The following SNRK variants were observed in gnomAD, a reference collection of about 807,000 sequenced individuals.
The protein encoded by SNRK is SNF-related serine/threonine-protein kinase.
A neutral mutation model predicts 48.2 loss-of-function variants in SNRK; 3 were observed. The ratio of observed to expected loss-of-function variants is 0.06; its 90% CI spans 0.03 to 0.16. The LOEUF (loss-of-function observed/expected upper bound fraction) is 0.16, where lower values mean the gene tolerates loss of function less well. Among genes scored for constraint, SNRK ranks in the 10% least tolerant of loss-of-function variants. The pLI is 1.00. For synonymous variants in SNRK, 376 were observed against 366.1 expected, an observed-to-expected ratio of 1.03 and a Z score of -0.31; for missense variants, 627 against 976.0, an observed-to-expected ratio of 0.64 and a Z score of 4.76.
At chr3:43,316,659 ACT>A (rs1212183506) in intron 3 of SNRK, among the ~76,000 whole-genome samples, 4 of 149,398 alleles carry the variant, frequency 2.7e-5, no homozygotes, top group African/African-American at 9.9e-5. Flanking sequence ...ATTTTTAACC[ACT>A]CTCTGCTCAT....
chr3:43,310,510 G>C (rs1559462550), intron 3 of SNRK, among the ~76,000 whole-genome samples: 1 of 151,890 alleles, frequency 6.6e-6, no homozygotes. Context: ...TTAATTTTAT[G>C]AATTTCTTGG....
Position 43,347,818 on chromosome 3 carries a change from G to A in SNRK, c.1559G>A (p.Gly520Asp). 3 of 1,614,118 alleles carry A rather than the reference G, an allele frequency of 1.9e-6. No individual in the cohort carries two copies. Among genetic ancestry groups the A allele is most frequent in the Non-Finnish European group, 1.7e-6 (2 of 1,180,034 alleles). ...SRLKMNIASP[G>D]TVHKRYHRRK... ...TTAAAGATGAATATAGCTTCTCCAG[G>A]TACAGTTCACAAACGCTACCACCGG... The change falls in exon 7 of 7, where the codon GGT (glycine) becomes GAT (aspartate). Residue 520 changes from glycine to aspartate, a missense_variant. Gly to Asp is a moderately conservative substitution (Grantham distance 94). Coordinates refer to ENST00000296088, the MANE Select transcript of SNRK (RefSeq NM_017719.5). The surrounding 1 kb of genome is among the most constrained non-coding windows in gnomAD (Gnocchi z 5.4).
At chr3:43,317,252 AAGG>A (rs1422432260) in intron 3 of SNRK, among the ~76,000 whole-genome samples, 1 of 152,170 alleles carries the variant, frequency 6.6e-6, no homozygotes, top group Non-Finnish European at 1.5e-5. Flanking sequence ...CAACAAGAGA[AAGG>A]AGGGATTTTA....
intron 5 of SNRK, among the ~76,000 whole-genome samples, chr3:43,341,402 T>C (rs956973817): frequency 4.6e-4 from 70 of 152,256 alleles, no homozygotes; most frequent in Non-Finnish European, 6.8e-4. Flanking sequence ...CCGCCCGCCT[T>C]GGCCTCCCAA....
rs1430892079 is a variant in SNRK, at chr3:43,306,234, T to TA, written c.589+2450dup. On this transcript the variant is annotated intron_variant, in intron 3 of 6. Transcript: ENST00000296088. ...GAAATAAATATAGAATTGCTATTTTTAAAAAAAAGGACAGGTGTCTTTCTG... is the reference window on the plus strand; with the variant it reads ...GAAATAAATATAGAATTGCTATTTTTAAAAAAAAAGGACAGGTGTCTTTCTG... Among the ~76,000 whole-genome samples, 22 of 131,864 alleles carry TA rather than the reference T, an allele frequency of 1.7e-4. No homozygotes were observed. In the East Asian group the frequency reaches 3.9e-3, roughly 23 times the overall value. The allele number at this position is 131,864 out of a possible 152,430, so 86.5% of individuals were successfully genotyped here.
intron 3 of SNRK, among the ~76,000 whole-genome samples, chr3:43,324,978 C>A (rs2091083827): frequency 6.6e-6 from 1 of 152,158 alleles, no homozygotes. Flanking sequence ...ACATACCTTG[C>A]TTGATTTTTA....
intron 6 of SNRK, among the ~76,000 whole-genome samples, chr3:43,344,015 G>A (rs572164578): frequency 6.6e-6 from 1 of 152,060 alleles, no homozygotes; most frequent in Non-Finnish European, 1.5e-5. Context: ...TTAGCTACCC[G>A]ATCTGTAAAA....
At chr3:43,335,700 G>A (rs1490281841) in intron 4 of SNRK, among the ~76,000 whole-genome samples, 1 of 151,760 alleles carries the variant, frequency 6.6e-6, no homozygotes, top group Non-Finnish European at 1.5e-5. Context: ...TTTTTTTCTT[G>A]GAGCTCTGTC....
chr3:43,321,356 T>A (rs1481926936), intron 3 of SNRK, among the ~76,000 whole-genome samples: 2 of 152,176 alleles, frequency 1.3e-5, no homozygotes, highest in East Asian at 3.9e-4. Context: ...TCCTTAGCTA[T>A]CCATGAATCT....
chr3:43,308,840 A>G (rs1008982497), intron 3 of SNRK, among the ~76,000 whole-genome samples: 10 of 152,220 alleles, frequency 6.6e-5, no homozygotes, highest in African/African-American at 2.4e-4. Flanking sequence ...TATGGCTGCC[A>G]TTGGTAGTAA....
intron 3 of SNRK, among the ~76,000 whole-genome samples, chr3:43,305,461 C>T (rs1365708184): frequency 6.6e-6 from 1 of 150,572 alleles, no homozygotes; most frequent in Non-Finnish European, 1.5e-5. Flanking sequence ...ATGAAGAGTA[C>T]ATATAACATT....
At position 43,348,152 on chromosome 3, in the gene SNRK, C is replaced by T; in HGVS notation, c.1893C>T (p.Asn631=). The change falls in exon 7 of 7, where the codon AAC becomes AAT. Residue 631 remains asparagine, a synonymous_variant. Coordinates refer to ENST00000296088, the MANE Select transcript of SNRK (RefSeq NM_017719.5). The part of the protein sequence containing the change: ...GTTRRCAGPS[N]SMQLASRSAG... ...CACGCCGCTGTGCCGGCCCCAGCAA[C>T]TCCATGCAGCTGGCCTCTCGCAGTG... The T allele has an allele frequency of 6.3e-7, 1 of 1,581,562 alleles. No individual in the cohort carries two copies.
chr3:43,287,821 A>C (rs1242854127), intron 1 of SNRK, among the ~76,000 whole-genome samples: 1 of 152,180 alleles, frequency 6.6e-6, no homozygotes, highest in African/African-American at 2.4e-5. Flanking sequence ...CGGGTTGTCA[A>C]GGCTTATGTA....
chr3:43,335,866 G>T (rs1486969708), intron 4 of SNRK, among the ~76,000 whole-genome samples: 1 of 152,098 alleles, frequency 6.6e-6, no homozygotes, highest in African/African-American at 2.4e-5. Flanking sequence ...TCTAATTTCA[G>T]CCACACCAGT....
At position 43,329,392 on chromosome 3, in the gene SNRK, C is replaced by T. The variant is rs372681026; in HGVS notation, c.590-2777C>T. 3.2e-4 allele frequency among the ~76,000 whole-genome samples: 49 copies of T among 151,690 alleles called. No homozygotes were observed. In the East Asian group the frequency reaches 6.2e-3, roughly 19 times the overall value. On this transcript the variant is annotated intron_variant, in intron 3 of 6. Transcript: ENST00000296088. ...GGCAGAGCTTACAGTGAGCCGAGAT[C>T]GCACCACTGCCCTCCAGCCTGGGTG... is the stretch of plus-strand genomic sequence containing the variant.
At chr3:43,339,108 G>C (rs1439998418) in intron 4 of SNRK, among the ~76,000 whole-genome samples, 1 of 152,186 alleles carries the variant, frequency 6.6e-6, no homozygotes, top group Admixed American at 6.5e-5. Context: ...CCTACAGGAA[G>C]GGTGGGTGTA....
intron 3 of SNRK, among the ~76,000 whole-genome samples, chr3:43,322,474 T>C (rs940793190): frequency 6.6e-6 from 1 of 152,174 alleles, no homozygotes; most frequent in African/African-American, 2.4e-5. Flanking sequence ...ATTTGTAATA[T>C]AGGAAATGGT....
At chr3:43,294,315 A>G (rs982896168) in intron 1 of SNRK, among the ~76,000 whole-genome samples, 2 of 152,210 alleles carry the variant, frequency 1.3e-5, no homozygotes, top group Admixed American at 1.3e-4. Flanking sequence ...AACATTTGCA[A>G]TATACATAAT....
At chr3:43,344,250 C>A (rs978935588) in intron 6 of SNRK, among the ~76,000 whole-genome samples, 2 of 152,060 alleles carry the variant, frequency 1.3e-5, no homozygotes, top group Non-Finnish European at 2.9e-5. Context: ...GCTTTTCTGC[C>A]AGAGTAACTT....
Sources: gnomAD v4.1 joint callset for allele counts (sites outside exome capture counted in the v4.1 genomes callset) on GRCh38, gnomAD v4.1.1 for gene constraint, Gnocchi (gnomAD v3.1) non-coding constraint, MANE v1.5 for transcripts, NCBI Gene and HGNC (gene_info 2026-07-23, HGNC 2026-07-21) for gene names.